The following FNTB variants were observed in gnomAD, a reference collection of about 807,000 sequenced individuals.
FNTB encodes protein farnesyltransferase subunit beta.
In FNTB, 27 loss-of-function variants were observed where a neutral mutation model predicts 59.4. The observed-to-expected ratio is 0.45, with a 90% CI of 0.34 to 0.63. FNTB has a LOEUF of 0.63. Ranked by LOEUF, FNTB falls within the 20% of genes least tolerant of loss-of-function variation. The pLI is 0.02. For synonymous variants in FNTB, 230 were observed against 220.7 expected (o/e 1.04, Z -0.37); for missense variants, 449 against 559.6 (o/e 0.80, Z 1.99).
Position 65,054,819 on chromosome 14 carries a change from C to T in FNTB, c.1182+130C>T, listed in dbSNP as rs1485746179. On this transcript the variant is annotated intron_variant, in intron 11 of 11. Coordinates refer to ENST00000246166, the MANE Select transcript of FNTB (RefSeq NM_002028.4). The surrounding 1 kb of genome is among the most constrained non-coding windows in gnomAD (Gnocchi z 4.4). ...GGAAGCTTGTGGTCCCTCTGCCCTT[C>T]GAGCTGTGCAGCCGTTAGTGAGGAT... 6 of 1,019,654 alleles carry T rather than the reference C, an allele frequency of 5.9e-6. No homozygotes were observed. The highest frequency in any genetic ancestry group is 2.6e-5 in the East Asian group (1 of 37,992). The allele number at this position is 1,019,654 out of a possible 1,614,324, so 63.2% of individuals were successfully genotyped here.
rs542834530 is a variant in FNTB, at chr14:65,011,817, A to G, written c.210-500A>G. Among the ~76,000 whole-genome samples the G allele has an allele frequency of 6.6e-6, 1 of 152,350 alleles. No homozygotes were observed. Among genetic ancestry groups the G allele is most frequent in the East Asian group, 1.9e-4 (1 of 5,188 alleles). ...TGGGAGGTGGAATTTCAGGGAGAGA[A>G]TAATAGTTGGATAACCGAGAGGCAG... On this transcript the variant is annotated intron_variant, in intron 2 of 11. Coordinates refer to ENST00000246166, the MANE Select transcript of FNTB (RefSeq NM_002028.4). The surrounding 1 kb of genome is among the most constrained non-coding windows in gnomAD (Gnocchi z 4.0).
rs183859686 is a variant in FNTB, at chr14:65,038,337, G to A, written c.693-2453G>A. Among the ~76,000 whole-genome samples, 34 of 151,958 alleles carry A rather than the reference G, an allele frequency of 2.2e-4. No individual in the cohort carries two copies. In the East Asian group the frequency reaches 5.9e-3, roughly 26 times the overall value. On this transcript the variant is annotated intron_variant, in intron 7 of 11. Transcript: ENST00000246166. ...AGGCAGGAGAATTGCTTGAACCCAG[G>A]AGGCAGAGGTTGCAGTGAGCCGAGA...
chr14:64,987,371 G>T (rs1053598468), intron 1 of FNTB: 1 of 523,380 alleles, frequency 1.9e-6, no homozygotes. Flanking sequence ...GAAGAATCGT[G>T]TTCTATGCCT....
Position 65,061,515 on chromosome 14 carries a change from C to T in FNTB, c.*203C>T, listed in dbSNP as rs2062865184. On this transcript the variant is annotated 3_prime_UTR_variant, in exon 12 of 12. Transcript: ENST00000246166. ...CTGGTTTTAAAAATTCTTTCCACAC[C>T]TGTCAAACCAAAAATCTATCAGCCC... 8 of 875,592 alleles carry T rather than the reference C, an allele frequency of 9.1e-6. No individual in the cohort carries two copies. The highest frequency in any genetic ancestry group is 1.3e-5 in the Non-Finnish European group (8 of 607,412). 54.2% of individuals were successfully genotyped at this position (875,592 alleles called of 1,614,324 possible). A position where few individuals can be genotyped will look rare whatever the true frequency, so the allele number is the denominator to read the frequency against.
rs910697609 is a variant in FNTB at position 65,044,887 on chromosome 14, GTGTAGGGGTGGGT to G, written c.955+460_955+472del. On this transcript the variant is annotated intron_variant, in intron 9 of 11. Transcript: ENST00000246166. The surrounding 1 kb of genome is among the most constrained non-coding windows in gnomAD (Gnocchi z 5.5). The stretch of plus-strand genomic sequence containing the variant: ...AAAGGGGTAGAGAACCAGAACCCAT[GTGTAGGGGTGGGT>G]TGTAGGGGTGGGTTGCCCCTACACC... 1.0e-4 allele frequency: 16 copies of G among 154,888 alleles called. 1 individual carries two copies. In the South Asian group the frequency reaches 1.1e-3, roughly 11 times the overall value. 9.6% of individuals were successfully genotyped at this position (154,888 alleles called of 1,614,324 possible).
rs1387308259 is a variant in FNTB, at chr14:65,030,679, G to T, written c.606-1931G>T. Among the ~76,000 whole-genome samples the T allele has an allele frequency of 6.6e-6, 1 of 151,946 alleles. No individual in the cohort carries two copies. The highest frequency in any genetic ancestry group is 1.5e-5 in the Non-Finnish European group (1 of 67,992). ...AGTTTGAGCCCAGGAGTTTGAGGTTGCAGTGAGCCATGATAGCGCCACTGC... is the reference window on the plus strand; with the variant it reads ...AGTTTGAGCCCAGGAGTTTGAGGTTTCAGTGAGCCATGATAGCGCCACTGC... On this transcript the variant is annotated intron_variant, in intron 6 of 11. Transcript: ENST00000246166. This position sits in a 1 kb window ranked among gnomAD's most constrained non-coding sequence, Gnocchi z 4.5.
intron 4 of FNTB, among the ~76,000 whole-genome samples, chr14:65,026,917 G>C (rs2061992981): frequency 6.6e-6 from 1 of 152,054 alleles, no homozygotes; most frequent in South Asian, 2.1e-4. Context: ...AGAAATCAGT[G>C]GCCCACAGAG....
rs2062433672 is a variant in FNTB at position 65,044,609 on chromosome 14, G to C, written c.955+166G>C. The C allele has an allele frequency of 1.0e-6, 1 of 988,434 alleles. No individual in the cohort carries two copies. The allele number at this position is 988,434 out of a possible 1,614,324, so 61.2% of individuals were successfully genotyped here. A position where few individuals can be genotyped will look rare whatever the true frequency, so the allele number is the denominator to read the frequency against. On this transcript the variant is annotated intron_variant, in intron 9 of 11. Coordinates refer to ENST00000246166, the MANE Select transcript of FNTB (RefSeq NM_002028.4). This position sits in a 1 kb window ranked among gnomAD's most constrained non-coding sequence, Gnocchi z 5.5. ...ATGCCGTGGGGCATGCGAATGCAGA[G>C]TAAGATTTAGTTTCATTGGTTTAGT...
intron 11 of FNTB, among the ~76,000 whole-genome samples, chr14:65,060,056 C>T (rs2139696825): frequency 6.6e-6 from 1 of 151,730 alleles, no homozygotes; most frequent in East Asian, 2.0e-4. Context: ...TGGTCTTGAA[C>T]TCCTGACCTC....
intron 7 of FNTB, among the ~76,000 whole-genome samples, chr14:65,039,143 G>A (rs556107218): frequency 3.1e-4 from 47 of 152,314 alleles, no homozygotes; most frequent in Admixed American, 2.0e-3. Context: ...GGAGCTCTGC[G>A]AGAGTGGGCA....
chr14:65,018,660 A>C (rs1391769683), intron 4 of FNTB, among the ~76,000 whole-genome samples: 1 of 149,022 alleles, frequency 6.7e-6, no homozygotes, highest in Admixed American at 6.7e-5. Context: ...AAATATAAAA[A>C]TTAGCCTGGC....
At chr14:65,015,584 A>G (rs1344229035) in intron 3 of FNTB, 41 bp from the exon 4 acceptor site, 1 of 1,609,640 alleles carries the variant, frequency 6.2e-7, no homozygotes, top group Non-Finnish European at 8.5e-7. Flanking sequence ...TCTTGGAGTG[A>G]TTGTGAATAA....
chr14:65,037,639 G>A (rs1174284143), intron 7 of FNTB, among the ~76,000 whole-genome samples: 2 of 149,048 alleles, frequency 1.3e-5, no homozygotes, highest in Non-Finnish European at 3.0e-5. Flanking sequence ...TGCCCAGGTT[G>A]GTCTCAAACT....
chr14:65,003,822 C>T (rs1469429697), intron 1 of FNTB: 1 of 152,542 alleles, frequency 6.6e-6, no homozygotes, highest in South Asian at 2.1e-4. Flanking sequence ...ATGTCAATTT[C>T]CCTCAAAAAC....
rs112353748 is a variant in FNTB, at chr14:65,004,157, G to A, written c.145-92G>A. On this transcript the variant is annotated intron_variant, in intron 1 of 11. Transcript: ENST00000246166. ...TTCCAGACCATACCAACCAACCCTC[G>A]CCAATAGGCATTTGTGGCAATAGGA... 215 of 1,434,098 alleles carry A rather than the reference G, an allele frequency of 1.5e-4. No homozygotes were observed. The African/African-American group carries it at 1.8e-3, about 12-fold the overall frequency. The allele number at this position is 1,434,098 out of a possible 1,614,324, so 88.8% of individuals were successfully genotyped here. A position where few individuals can be genotyped will look rare whatever the true frequency, so the allele number is the denominator to read the frequency against.
At chr14:65,049,622 T>G (rs1316142653) in intron 9 of FNTB, among the ~76,000 whole-genome samples, 1 of 152,186 alleles carries the variant, frequency 6.6e-6, no homozygotes, top group Non-Finnish European at 1.5e-5. Flanking sequence ...TCTATAGTTT[T>G]TTATATAATA....
At chr14:65,024,765 C>A (rs961858438) in intron 4 of FNTB, among the ~76,000 whole-genome samples, 2 of 152,002 alleles carry the variant, frequency 1.3e-5, no homozygotes, top group African/African-American at 4.8e-5. Context: ...AAGTTTTTCT[C>A]CCCCTACATT....
At chr14:65,051,087 G>C (rs926443743) in intron 9 of FNTB, among the ~76,000 whole-genome samples, 12 of 152,236 alleles carry the variant, frequency 7.9e-5, no homozygotes, top group African/African-American at 1.9e-4. Flanking sequence ...CAGCCAGCCT[G>C]AGATGGGAGA....
In FNTB at chr14:65,012,344, C is replaced by T. The variant is rs2061696693; in HGVS notation, c.237C>T (p.Phe79=). 3.1e-6 allele frequency: 5 copies of T among 1,614,054 alleles called. No individual in the cohort carries two copies. In the African/African-American group the frequency reaches 4.0e-5, roughly 13 times the overall value. Residue 79 remains phenylalanine, a synonymous_variant, in exon 3 of 12, where the codon TTC becomes TTT. Transcript: ENST00000246166. The surrounding 1 kb of genome is among the most constrained non-coding windows in gnomAD (Gnocchi z 5.0). Reference sequence around the variant, plus strand: ...TTGTTTTGCAGAGGGAGAAGCACTTCCATTATCTGAAAAGAGGCCTTCGAC... The same window carrying T: ...TTGTTTTGCAGAGGGAGAAGCACTTTCATTATCTGAAAAGAGGCCTTCGAC... ...PRLVLQREKH[F]HYLKRGLRQL...
Sources: allele counts gnomAD v4.1 joint callset (sites outside exome capture counted in the v4.1 genomes callset), GRCh38; gene constraint gnomAD v4.1.1; non-coding constraint Gnocchi (gnomAD v3.1); transcripts MANE v1.5; gene names NCBI Gene and HGNC (gene_info 2026-07-23, HGNC 2026-07-21).